ZMYND12: variants seen among roughly 807,000 people sequenced by gnomAD.
The protein encoded by ZMYND12 is zinc finger MYND-type containing 12.
ZMYND12 carries 32 observed loss-of-function variants against 41.7 expected under a neutral mutation model. The ratio of observed to expected loss-of-function variants is 0.77; its 90% CI spans 0.58 to 1.03. ZMYND12 has a LOEUF of 1.03. Ranked by LOEUF, ZMYND12 falls within the 50% of genes least tolerant of loss-of-function variation. The probability of loss-of-function intolerance (pLI) is 0.00; values close to 1 mark genes in which losing one functional copy is unlikely to be tolerated. For synonymous variants in ZMYND12, 148 were observed against 164.8 expected (o/e 0.90, Z 0.78); for missense variants, 424 against 438.5 (o/e 0.97, Z 0.30).
At chr1:42,442,052 C>T (rs2148407240) in intron 3 of ZMYND12, among the ~76,000 whole-genome samples, 1 of 152,146 alleles carries the variant, frequency 6.6e-6, no homozygotes, top group Non-Finnish European at 1.5e-5. Flanking sequence ...GCCTGTGATG[C>T]TGGAGCACAA....
intron 1 of ZMYND12, among the ~76,000 whole-genome samples, chr1:42,453,837 A>G (rs959789682): frequency 6.6e-6 from 1 of 152,170 alleles, no homozygotes; most frequent in African/African-American, 2.4e-5. Flanking sequence ...TGCCCAAGTT[A>G]ATGGGTTTAT....
chr1:42,449,894 C>T (rs1486368792), intron 2 of ZMYND12, 24 bp downstream of exon 2: 1 of 1,607,004 alleles, frequency 6.2e-7, no homozygotes, highest in Non-Finnish European at 8.5e-7. Flanking sequence ...ACGACTTAAC[C>T]TTGGAAAGTG....
At chr1:42,444,782 C>G (rs1474632495) in intron 3 of ZMYND12, among the ~76,000 whole-genome samples, 1 of 150,832 alleles carries the variant, frequency 6.6e-6, no homozygotes, top group Admixed American at 6.6e-5. Context: ...GGACTAAGTG[C>G]TCAGAAGAAA....
intron 3 of ZMYND12, among the ~76,000 whole-genome samples, chr1:42,447,362 C>T (rs768850002): frequency 1.1e-4 from 16 of 152,142 alleles, no homozygotes; most frequent in Non-Finnish European, 1.5e-4. Context: ...TACAATTGGC[C>T]TGTAACCTGT....
In ZMYND12 at chr1:42,436,445, G is replaced by T. The variant is rs1451004187; in HGVS notation, c.693C>A (p.Asp231Glu). The T allele has an allele frequency of 1.2e-6, 2 of 1,613,554 alleles. No individual in the cohort carries two copies. The highest frequency in any genetic ancestry group is 1.7e-6 in the Non-Finnish European group (2 of 1,179,582). The change falls in exon 5 of 8, where the codon GAC becomes GAA. Residue 231 changes from aspartate (D) to glutamate (E), a missense_variant. Physicochemically the swap from Asp to Glu is conservative, Grantham distance 45. Transcript: ENST00000372565. ...ANIFYDLKKL[D>E]LADTLYTKVS... The stretch of plus-strand genomic sequence containing the variant: ...CCTTGGTGTACAATGTGTCTGCCAG[G>T]TCCAACTTTTTAAGGTCATAGAATA...
chr1:42,447,322 TCAGA>T (rs1643034658), intron 3 of ZMYND12, among the ~76,000 whole-genome samples: 1 of 152,176 alleles, frequency 6.6e-6, no homozygotes, highest in South Asian at 2.1e-4. Context: ...TTAGGAAATA[TCAGA>T]CAAACTCAAA....
chr1:42,454,332 C>A (rs1468961579), intron 1 of ZMYND12, among the ~76,000 whole-genome samples: 1 of 152,214 alleles, frequency 6.6e-6, no homozygotes, highest in African/African-American at 2.4e-5. Flanking sequence ...AACACAGATA[C>A]CATCCCTGCC....
chr1:42,438,048 ATCTGCCTGCC>A (rs1206060453), intron 4 of ZMYND12, among the ~76,000 whole-genome samples: 2 of 152,084 alleles, frequency 1.3e-5, no homozygotes, highest in African/African-American at 4.8e-5. Context: ...TGACCTCATG[ATCTGCCTGCC>A]TCAGCCTCCC....
chr1:42,431,420 G>A (rs759525756), intron 7 of ZMYND12, among the ~76,000 whole-genome samples: 6 of 152,132 alleles, frequency 3.9e-5, no homozygotes, highest in African/African-American at 1.4e-4. Flanking sequence ...AGTAAAACAC[G>A]ACAGTATCTT....
chr1:42,441,447 T>A (rs1413185222), intron 3 of ZMYND12, among the ~76,000 whole-genome samples: 1 of 152,224 alleles, frequency 6.6e-6, no homozygotes, highest in African/African-American at 2.4e-5. Flanking sequence ...AGTATTTGCA[T>A]ATAACCTATG....
intron 1 of ZMYND12, among the ~76,000 whole-genome samples, chr1:42,452,454 G>C (rs1643092124): frequency 6.6e-6 from 1 of 152,148 alleles, no homozygotes; most frequent in African/African-American, 2.4e-5. Context: ...TGTAATCCCA[G>C]CACTTTGGGA....
chr1:42,446,173 C>T (rs1056750907), intron 3 of ZMYND12, among the ~76,000 whole-genome samples: 37 of 152,110 alleles, frequency 2.4e-4, no homozygotes, highest in African/African-American at 7.7e-4. Context: ...GTGGAAAGGA[C>T]GGAGTTAGAG....
At position 42,448,461 on chromosome 1, in the gene ZMYND12, A is replaced by C; in HGVS notation, c.424+6T>G. 3 of 1,577,346 alleles carry C rather than the reference A, an allele frequency of 1.9e-6. No individual in the cohort carries two copies. Among genetic ancestry groups the C allele is most frequent in the Non-Finnish European group, 2.6e-6 (3 of 1,160,720 alleles). ...GATCCAAGGATCTCAAGTCGGTTTC[A>C]CTCACCAAGGCTGGCCTCGGCCAAC... On this transcript the variant is annotated splice_donor_region_variant and intron_variant, in intron 3 of 7. Transcript: ENST00000372565.
chr1:42,440,774 T>C (rs1557768168), intron 3 of ZMYND12, among the ~76,000 whole-genome samples: 1 of 152,080 alleles, frequency 6.6e-6, no homozygotes, highest in Non-Finnish European at 1.5e-5. Context: ...GTTCAAGTGA[T>C]TCTCATGCCT....
Position 42,448,497 on chromosome 1 carries a change from CA to C in ZMYND12, c.393del (p.Ala132LeufsTer52). On this transcript the variant is annotated frameshift_variant, in exon 3 of 8. Transcript: ENST00000372565. LOFTEE classifies it high-confidence loss of function. ...CTGGCCTCGGCCAACAGCAGGTAAG[CA>C]GGCACAAGCTCTACGGAGCTCAGGC... Reference protein sequence around the residue: ...LYGLSSVELVPAYLLLAEASL... With the variant: ...LYGLSSVELVXAYLLLAEASL... The C allele has an allele frequency of 6.2e-7, 1 of 1,603,552 alleles. No individual in the cohort carries two copies. Among genetic ancestry groups the C allele is most frequent in the Non-Finnish European group, 8.5e-7 (1 of 1,174,586 alleles).
chr1:42,443,105 G>A (rs995333638), intron 3 of ZMYND12, among the ~76,000 whole-genome samples: 12 of 152,318 alleles, frequency 7.9e-5, no homozygotes, highest in African/African-American at 2.9e-4. Context: ...AGGAGGCAAT[G>A]CCAAAGAATG....
intron 3 of ZMYND12, among the ~76,000 whole-genome samples, chr1:42,447,512 G>C (rs1643036255): frequency 6.6e-6 from 1 of 152,202 alleles, no homozygotes; most frequent in African/African-American, 2.4e-5. Flanking sequence ...GAAAATTCGA[G>C]AAACTTGAAT....
At chr1:42,433,771 T>G (rs909060478) in intron 6 of ZMYND12, among the ~76,000 whole-genome samples, 1 of 152,208 alleles carries the variant, frequency 6.6e-6, no homozygotes. Flanking sequence ...ACAACCTTCA[T>G]GCTTCCCTCT....
chr1:42,451,181 T>C (rs1643080044), intron 1 of ZMYND12, among the ~76,000 whole-genome samples: 1 of 152,244 alleles, frequency 6.6e-6, no homozygotes, highest in South Asian at 2.1e-4. Flanking sequence ...TTTGATCTTC[T>C]ATCTAGTTGT....
Sources: allele counts gnomAD v4.1 joint callset (sites outside exome capture counted in the v4.1 genomes callset), GRCh38; gene constraint gnomAD v4.1.1; transcripts MANE v1.5; gene names NCBI Gene and HGNC (gene_info 2026-07-23, HGNC 2026-07-21).